Variants in CSMD1 observed in about 807,000 individuals in gnomAD.
CSMD1 encodes CUB and Sushi multiple domains 1.
In CSMD1, 213 loss-of-function variants were observed where a neutral mutation model predicts 417.5. The ratio of observed to expected loss-of-function variants is 0.51; its 90% CI spans 0.46 to 0.57. The LOEUF (loss-of-function observed/expected upper bound fraction) is 0.57, where lower values mean the gene tolerates loss of function less well. Ranked by LOEUF, CSMD1 falls within the 20% of genes least tolerant of loss-of-function variation. The pLI, the probability that CSMD1 is intolerant of heterozygous loss-of-function variation, is 0.00. For missense variants in CSMD1, 6,923 were observed against 4,529.7 expected (o/e 1.53, Z -15.17); for synonymous variants, 2,862 against 1,736.8 (o/e 1.65, Z -16.11).
chr8:3,399,526 G>A lies in CSMD1; in HGVS notation c.2270C>T (p.Pro757Leu). The stretch of plus-strand genomic sequence containing the variant: ...GGACGCTGTCAGATGTCCACCACAT[G>A]GAGCTAAAACAAGACGTAGAATATC... ...WSSTVPRCEA[P>L]CGGHLTASSG... The change falls in exon 16 of 70, where the codon CCA (proline) becomes CTA (leucine). Residue 757 changes from proline (P) to leucine (L), a missense_variant. Transcript: ENST00000635120. The A allele has an allele frequency of 4.4e-6, 7 of 1,590,846 alleles. No individual in the cohort carries two copies. Among genetic ancestry groups the A allele is most frequent in the Non-Finnish European group, 6.0e-6 (7 of 1,170,196 alleles).
chr8:4,934,471 C>G (rs558684363), intron 1 of CSMD1, among the ~76,000 whole-genome samples: 2 of 152,268 alleles, frequency 1.3e-5, no homozygotes, highest in East Asian at 1.9e-4. Context: ...CAACACTCCA[C>G]TGAGTTATAG....
intron 3 of CSMD1, among the ~76,000 whole-genome samples, chr8:4,139,063 A>C (rs753616827): frequency 6.6e-6 from 1 of 152,292 alleles, no homozygotes; most frequent in South Asian, 2.1e-4. Context: ...GGGCCACCAA[A>C]AACAGAGCAA....
chr8:4,003,044 T>C (rs147154175), intron 4 of CSMD1, among the ~76,000 whole-genome samples: 2 of 152,270 alleles, frequency 1.3e-5, no homozygotes, highest in African/African-American at 4.8e-5. Context: ...TAAAAAAATA[T>C]TTGCAACAAC....
intron 3 of CSMD1, among the ~76,000 whole-genome samples, chr8:4,201,848 T>C (rs1235755921): frequency 7.0e-6 from 1 of 142,964 alleles, no homozygotes; most frequent in African/African-American, 2.7e-5. Context: ...ATCTTAATTG[T>C]GTCTAATTAA....
chr8:4,062,648 G>C (rs916109231), intron 3 of CSMD1, among the ~76,000 whole-genome samples: 4 of 151,896 alleles, frequency 2.6e-5, no homozygotes, highest in African/African-American at 9.7e-5. Context: ...CAATTCAGTA[G>C]TCACGTGCAG....
chr8:3,863,328 T>C (rs1038104845), intron 5 of CSMD1, among the ~76,000 whole-genome samples: 3 of 146,862 alleles, frequency 2.0e-5, no homozygotes, highest in Admixed American at 7.1e-5. Flanking sequence ...ACCCAGGAGA[T>C]GGTGGTTGCA....
chr8:3,071,911 C>T (rs1280030591), intron 49 of CSMD1, among the ~76,000 whole-genome samples: 1 of 152,210 alleles, frequency 6.6e-6, no homozygotes, highest in Admixed American at 6.5e-5. Context: ...TCCTGTGCCC[C>T]TCAGTTGATC....
At position 3,284,464 on chromosome 8, in the gene CSMD1, GTACT is replaced by G. The variant is rs556829520; in HGVS notation, c.3951-122_3951-119del. 9.8e-4 allele frequency: 683 copies of G among 700,282 alleles called. 7 individuals carry two copies. In the African/African-American group the frequency reaches 0.011, roughly 11 times the overall value. 43.4% of individuals were successfully genotyped at this position (700,282 alleles called of 1,614,324 possible). A position where few individuals can be genotyped will look rare whatever the true frequency, so the allele number is the denominator to read the frequency against. ...ACAACCCCCACCAACATGTGCCTCG[GTACT>G]TACTGTCTGACAATGAAGGATGAGG... is the stretch of plus-strand genomic sequence containing the variant. On this transcript the variant is annotated intron_variant, in intron 25 of 69. Coordinates refer to ENST00000635120, the MANE Select transcript of CSMD1 (RefSeq NM_033225.6).
At chr8:4,264,004 T>A (rs986057018) in intron 3 of CSMD1, among the ~76,000 whole-genome samples, 13 of 152,122 alleles carry the variant, frequency 8.5e-5, no homozygotes, top group African/African-American at 3.1e-4. Context: ...TAGAAGTAAA[T>A]CAGATCGTTC....
At chr8:4,197,106 A>G (rs945389560) in intron 3 of CSMD1, among the ~76,000 whole-genome samples, 4 of 152,178 alleles carry the variant, frequency 2.6e-5, no homozygotes, top group African/African-American at 9.7e-5. Flanking sequence ...AAGACAATGC[A>G]AAGTGTGTCC....
chr8:4,953,150 C>G (rs1175271714), intron 1 of CSMD1, among the ~76,000 whole-genome samples: 3 of 152,070 alleles, frequency 2.0e-5, no homozygotes, highest in African/African-American at 4.8e-5. Context: ...ATTTAATTCT[C>G]AAGGTAGAAG....
chr8:4,287,646 G>C (rs890936257), intron 3 of CSMD1, among the ~76,000 whole-genome samples: 5 of 132,508 alleles, frequency 3.8e-5, no homozygotes, highest in Non-Finnish European at 4.9e-5. Flanking sequence ...CTGCAGTCTC[G>C]TCATAGGTGG....
chr8:4,546,926 G>C (rs909805654), intron 2 of CSMD1, among the ~76,000 whole-genome samples: 43 of 152,144 alleles, frequency 2.8e-4, no homozygotes, highest in Admixed American at 1.5e-3. Context: ...CTGAGATGTT[G>C]ATTCTCCTCT....
At chr8:3,277,115 G>T (rs954848415) in intron 26 of CSMD1, among the ~76,000 whole-genome samples, 2 of 152,076 alleles carry the variant, frequency 1.3e-5, no homozygotes, top group Non-Finnish European at 1.5e-5. Flanking sequence ...GCTGAGAGAG[G>T]CTAGCATCTG....
chr8:4,478,786 C>G lies in CSMD1; in HGVS notation c.303-58721G>C, dbSNP rs374772040. Among the ~76,000 whole-genome samples, 102 of 152,214 alleles carry G rather than the reference C, an allele frequency of 6.7e-4. No individual in the cohort carries two copies. In the Middle Eastern group the frequency reaches 0.01, roughly 15 times the overall value. On this transcript the variant is annotated intron_variant, in intron 2 of 69. Coordinates refer to ENST00000635120, the MANE Select transcript of CSMD1 (RefSeq NM_033225.6). ...ATATGTAACAAATTTTAATGGCATT[C>G]AAAATATTTAAATATTCTTTGGAGA... is the stretch of plus-strand genomic sequence containing the variant.
At chr8:3,010,683 C>T (rs952629363) in intron 52 of CSMD1, among the ~76,000 whole-genome samples, 1 of 152,088 alleles carries the variant, frequency 6.6e-6, no homozygotes, top group Non-Finnish European at 1.5e-5. Flanking sequence ...GTTGCTCCCA[C>T]TCTCACCTGG....
intron 5 of CSMD1, among the ~76,000 whole-genome samples, chr8:3,822,939 C>T (rs907016005): frequency 6.6e-6 from 1 of 152,046 alleles, no homozygotes; most frequent in Non-Finnish European, 1.5e-5. Flanking sequence ...GTATTCTATC[C>T]CTGGGCTAAG....
intron 5 of CSMD1, among the ~76,000 whole-genome samples, chr8:3,925,454 A>G (rs145666326): frequency 6.6e-6 from 1 of 152,354 alleles, no homozygotes; most frequent in African/African-American, 2.4e-5. Context: ...CCTGAAATAC[A>G]GTTCAAAAGA....
chr8:3,719,099 G>T (rs1043615429), intron 6 of CSMD1, among the ~76,000 whole-genome samples: 3 of 152,094 alleles, frequency 2.0e-5, no homozygotes, highest in Admixed American at 6.5e-5. Context: ...CAGACGATTC[G>T]CAAATTCCAA....
Sources: gnomAD v4.1 joint callset for allele counts (sites outside exome capture counted in the v4.1 genomes callset) on GRCh38, gnomAD v4.1.1 for gene constraint, MANE v1.5 for transcripts, NCBI Gene and HGNC (gene_info 2026-07-23, HGNC 2026-07-21) for gene names.